Variants in KLHDC10 observed in about 807,000 individuals in gnomAD.
The protein encoded by KLHDC10 is kelch domain-containing protein 10.
In KLHDC10, 24 loss-of-function variants were observed where a neutral mutation model predicts 56.1. The observed-to-expected ratio is 0.43, with a 90% CI of 0.31 to 0.60. The LOEUF (loss-of-function observed/expected upper bound fraction) is 0.60. Ranked by LOEUF, KLHDC10 falls within the 20% of genes least tolerant of loss-of-function variation. The probability of loss-of-function intolerance (pLI) is 0.11; values close to 1 mark genes in which losing one functional copy is unlikely to be tolerated. For synonymous variants in KLHDC10, 188 were observed against 207.1 expected, an observed-to-expected ratio of 0.91 and a Z score of 0.79; for missense variants, 349 against 567.0, an observed-to-expected ratio of 0.62 and a Z score of 3.91.
intron 1 of KLHDC10, among the ~76,000 whole-genome samples, chr7:130,072,774 T>TTATTTATC (rs1795435632): frequency 6.6e-6 from 1 of 151,952 alleles, no homozygotes; most frequent in African/African-American, 2.4e-5. Context: ...ATTTATTTAT[T>TTATTTATC]GAGATGGAGT....
chr7:130,101,002 AAAAAAAAAC>A (rs1358637088), intron 2 of KLHDC10, among the ~76,000 whole-genome samples: 1 of 129,300 alleles, frequency 7.7e-6, no homozygotes, highest in Non-Finnish European at 1.7e-5. Context: ...TGTAATTAAA[AAAAAAAAAC>A]AAAAAAAACA....
intron 1 of KLHDC10, among the ~76,000 whole-genome samples, chr7:130,078,809 C>G (rs1186665082): frequency 3.3e-5 from 5 of 152,194 alleles, no homozygotes; most frequent in Non-Finnish European, 7.3e-5. Context: ...TGAGCCACCG[C>G]GCCTGGCCCC....
At chr7:130,113,419 A>G (rs1584634469) in intron 2 of KLHDC10, among the ~76,000 whole-genome samples, 5 of 149,698 alleles carry the variant, frequency 3.3e-5, no homozygotes, top group Admixed American at 2.7e-4. Flanking sequence ...TGCAACCTCC[A>G]CCTCCCAGGT....
chr7:130,096,815 A>G, intron 1 of KLHDC10, 106 bp from the exon 2 acceptor site: 3 of 686,720 alleles, frequency 4.4e-6, no homozygotes, highest in Non-Finnish European at 7.2e-6. Flanking sequence ...TCTGTATTCA[A>G]GTATTGTTTT....
At chr7:130,113,355 G>A (rs1032887693) in intron 2 of KLHDC10, among the ~76,000 whole-genome samples, 6 of 148,222 alleles carry the variant, frequency 4.0e-5, no homozygotes, top group African/African-American at 9.9e-5. Flanking sequence ...TTTTTGAGAC[G>A]GAGTTTTGCT....
At chr7:130,082,480 A>G (rs1011638646) in intron 1 of KLHDC10, among the ~76,000 whole-genome samples, 2 of 152,144 alleles carry the variant, frequency 1.3e-5, no homozygotes, top group Non-Finnish European at 2.9e-5. Context: ...CACCTGTAGG[A>G]ATTTGGGATT....
intron 3 of KLHDC10, among the ~76,000 whole-genome samples, chr7:130,117,108 G>C (rs1034884893): frequency 6.6e-6 from 1 of 152,182 alleles, no homozygotes; most frequent in African/African-American, 2.4e-5. Context: ...TTTACGCTAT[G>C]CACTAGTCTC....
intron 7 of KLHDC10, 49 bp downstream of exon 7, chr7:130,125,980 C>T (rs1796310928): frequency 7.6e-7 from 1 of 1,315,000 alleles, no homozygotes; most frequent in African/African-American, 1.5e-5. Context: ...ATGTATTATA[C>T]TTTTACTCAT....
intron 1 of KLHDC10, among the ~76,000 whole-genome samples, chr7:130,073,822 C>T (rs1329037300): frequency 2.0e-5 from 3 of 152,142 alleles, no homozygotes; most frequent in Admixed American, 1.3e-4. Flanking sequence ...TTTTCTTCTC[C>T]GTTGCACTTC....
intron 3 of KLHDC10, among the ~76,000 whole-genome samples, chr7:130,119,537 TAAAA>T (rs11317882): frequency 2.0e-5 from 2 of 100,382 alleles, no homozygotes; most frequent in African/African-American, 3.9e-5. Flanking sequence ...AAAAAAGAGT[TAAAA>T]AAAAAAAAAA....
intron 1 of KLHDC10, among the ~76,000 whole-genome samples, chr7:130,093,705 T>C (rs1368278956): frequency 6.6e-6 from 1 of 152,196 alleles, no homozygotes; most frequent in East Asian, 1.9e-4. Flanking sequence ...CACTGTTATG[T>C]TGCTGGTTTC....
At chr7:130,080,160 G>T (rs574824665) in intron 1 of KLHDC10, among the ~76,000 whole-genome samples, 1 of 151,998 alleles carries the variant, frequency 6.6e-6, no homozygotes, top group Non-Finnish European at 1.5e-5. Context: ...TAGGCTGGTT[G>T]CAAACTCCTG....
intron 1 of KLHDC10, among the ~76,000 whole-genome samples, chr7:130,076,666 C>T (rs1469705847): frequency 6.6e-6 from 1 of 152,192 alleles, no homozygotes; most frequent in Non-Finnish European, 1.5e-5. Flanking sequence ...TCCAACTATA[C>T]TTTTCTTCCA....
At chr7:130,088,808 A>G (rs1480136874) in intron 1 of KLHDC10, among the ~76,000 whole-genome samples, 1 of 146,722 alleles carries the variant, frequency 6.8e-6, no homozygotes, top group East Asian at 2.1e-4. Context: ...ACACCCAGCT[A>G]TTTTAGTAAA....
At chr7:130,091,684 A>G (rs1795775178) in intron 1 of KLHDC10, among the ~76,000 whole-genome samples, 1 of 152,084 alleles carries the variant, frequency 6.6e-6, no homozygotes, top group Non-Finnish European at 1.5e-5. Flanking sequence ...CCTTATAAAT[A>G]TTCCTGTTGA....
intron 3 of KLHDC10, among the ~76,000 whole-genome samples, chr7:130,118,974 G>A (rs1796208914): frequency 6.6e-6 from 1 of 152,014 alleles, no homozygotes; most frequent in South Asian, 2.1e-4. Context: ...CAATTTAGGA[G>A]GCCAAGGAGG....
chr7:130,132,379 G>C lies in KLHDC10; in HGVS notation c.*1633G>C, dbSNP rs149612085. On this transcript the variant is annotated 3_prime_UTR_variant, in exon 10 of 10. Transcript: ENST00000335420. The stretch of plus-strand genomic sequence containing the variant: ...GGATTTAAAATGACCTTTGAGCTAC[G>C]GTTAAAAAGCTACCATCTGGTGTTC... The C allele has an allele frequency of 2.6e-5, 4 of 152,104 alleles. No homozygotes were observed. Among genetic ancestry groups the C allele is most frequent in the African/African-American group, 9.7e-5 (4 of 41,416 alleles). The allele number at this position is 152,104 out of a possible 1,614,324, so 9.4% of individuals were successfully genotyped here. A position where few individuals can be genotyped will look rare whatever the true frequency, so the allele number is the denominator to read the frequency against.
chr7:130,090,114 C>T (rs1312146766), intron 1 of KLHDC10, among the ~76,000 whole-genome samples: 1 of 152,126 alleles, frequency 6.6e-6, no homozygotes, highest in East Asian at 1.9e-4. Flanking sequence ...CTCCTGACCT[C>T]AGGTGATCTG....
intron 1 of KLHDC10, among the ~76,000 whole-genome samples, chr7:130,089,081 T>G (rs979654975): frequency 2.0e-5 from 3 of 152,124 alleles, no homozygotes; most frequent in Non-Finnish European, 4.4e-5. Flanking sequence ...AGGCAAGATG[T>G]TTGGTAAATC....
Sources: gnomAD v4.1 joint callset for allele counts (sites outside exome capture counted in the v4.1 genomes callset) on GRCh38, gnomAD v4.1.1 for gene constraint, MANE v1.5 for transcripts, NCBI Gene and HGNC (gene_info 2026-07-23, HGNC 2026-07-21) for gene names.